CSMD1: variants seen among roughly 807,000 people sequenced by gnomAD.
CSMD1 encodes the protein CUB and Sushi multiple domains 1.
A neutral mutation model predicts 417.5 loss-of-function variants in CSMD1; 213 were observed. The ratio of observed to expected loss-of-function variants is 0.51; its 90% CI spans 0.46 to 0.57. The LOEUF is 0.57. Among genes scored for constraint, CSMD1 ranks in the 20% least tolerant of loss-of-function variants. CSMD1 has a pLI of 0.00. For synonymous variants in CSMD1, 2,862 were observed against 1,736.8 expected, an observed-to-expected ratio of 1.65 and a Z score of -16.11; for missense variants, 6,923 against 4,529.7, an observed-to-expected ratio of 1.53 and a Z score of -15.17.
At chr8:3,919,680 G>C (rs531602436) in intron 5 of CSMD1, among the ~76,000 whole-genome samples, 1 of 152,146 alleles carries the variant, frequency 6.6e-6, no homozygotes, top group East Asian at 1.9e-4. Flanking sequence ...AATGCCATTG[G>C]AATTTTGATA....
intron 5 of CSMD1, among the ~76,000 whole-genome samples, chr8:3,758,716 C>A (rs771035502): frequency 2.0e-5 from 3 of 152,176 alleles, no homozygotes; most frequent in Non-Finnish European, 4.4e-5. Flanking sequence ...CAGAATCATA[C>A]CTGCTACAGA....
intron 17 of CSMD1, among the ~76,000 whole-genome samples, chr8:3,393,973 G>C (rs1330483002): frequency 1.0e-5 from 1 of 97,684 alleles, no homozygotes; most frequent in Non-Finnish European, 2.0e-5. Flanking sequence ...ATGTACCCTA[G>C]AACTTAACGT....
At chr8:4,325,832 A>G (rs1323190543) in intron 3 of CSMD1, among the ~76,000 whole-genome samples, 8 of 152,162 alleles carry the variant, frequency 5.3e-5, no homozygotes, top group African/African-American at 1.9e-4. Flanking sequence ...ACTGTAGATT[A>G]ACAAAAGCTT....
chr8:4,767,242 G>A (rs1438474152), intron 1 of CSMD1, among the ~76,000 whole-genome samples: 4 of 152,202 alleles, frequency 2.6e-5, no homozygotes, highest in Non-Finnish European at 5.9e-5. Context: ...CCAAATGGAT[G>A]CAAGGTGAAA....
intron 49 of CSMD1, among the ~76,000 whole-genome samples, chr8:3,083,219 G>A (rs200863747): frequency 4.6e-5 from 7 of 151,926 alleles, no homozygotes; most frequent in Non-Finnish European, 8.8e-5. Flanking sequence ...TAAAAAGACA[G>A]AACATGTCTT....
rs919137046 is a variant in CSMD1 at position 4,388,305 on chromosome 8, C to T, written c.415+31648G>A. 2.4e-3 allele frequency among the ~76,000 whole-genome samples: 255 copies of T among 105,162 alleles called. 1 individual carries two copies. Among genetic ancestry groups the T allele is most frequent in the African/African-American group, 0.011 (238 of 20,920 alleles). 69.0% of individuals were successfully genotyped at this position (105,162 alleles called of 152,430 possible). A position where few individuals can be genotyped will look rare whatever the true frequency, so the allele number is the denominator to read the frequency against. ...ACAAGTGGATAAAGAAACTGTGATA[C>T]ACACACACACACACAGACACACACA... is the stretch of plus-strand genomic sequence containing the variant. On this transcript the variant is annotated intron_variant, in intron 3 of 69. Coordinates refer to ENST00000635120, the MANE Select transcript of CSMD1 (RefSeq NM_033225.6).
intron 2 of CSMD1, among the ~76,000 whole-genome samples, chr8:4,486,053 T>A (rs763293362): frequency 2.0e-5 from 3 of 150,766 alleles, no homozygotes; most frequent in Admixed American, 1.3e-4. Context: ...AAAGTAATAA[T>A]ATCTAAGTAT....
At chr8:4,022,825 G>T (rs974255345) in intron 4 of CSMD1, among the ~76,000 whole-genome samples, 1 of 152,052 alleles carries the variant, frequency 6.6e-6, no homozygotes, top group Admixed American at 6.5e-5. Context: ...CAATTCAGTG[G>T]TCTTCAGAAA....
chr8:3,594,044 G>C (rs888506222), intron 8 of CSMD1, among the ~76,000 whole-genome samples: 1 of 152,200 alleles, frequency 6.6e-6, no homozygotes, highest in Non-Finnish European at 1.5e-5. Flanking sequence ...TTCAAGAAAA[G>C]GAATGAGAGA....
At position 4,811,540 on chromosome 8, in the gene CSMD1, C is replaced by G. The variant is rs111596834; in HGVS notation, c.86-173982G>C. ...GCTGCCATAGAAACAAGAGGTATTT[C>G]CCAATATTGACATGGAAAAATAAAC... On this transcript the variant is annotated intron_variant, in intron 1 of 69. Transcript: ENST00000635120. Among the ~76,000 whole-genome samples, 609 of 152,070 alleles carry G rather than the reference C, an allele frequency of 4.0e-3. 10 individuals are homozygous for G. Among genetic ancestry groups the G allele is most frequent in the African/African-American group, 0.014 (567 of 41,474 alleles).
intron 10 of CSMD1, among the ~76,000 whole-genome samples, chr8:3,524,924 G>A (rs529382160): frequency 1.4e-4 from 21 of 152,020 alleles, no homozygotes; most frequent in African/African-American, 5.1e-4. Context: ...TTGGTATCAT[G>A]AAATGTAAAA....
At chr8:3,024,951 C>CCTAAAACTGTGTATTGTGTGGTGTTATT (rs1360110194) in intron 51 of CSMD1, among the ~76,000 whole-genome samples, 1 of 150,898 alleles carries the variant, frequency 6.6e-6, no homozygotes, top group South Asian at 2.1e-4. Flanking sequence ...ATACACGTGC[C>CCTAAAACTGTGTATTGTGTGGTGTTATT]CTAAAACTGT....
At chr8:4,823,794 G>C (rs1468579059) in intron 1 of CSMD1, among the ~76,000 whole-genome samples, 1 of 151,966 alleles carries the variant, frequency 6.6e-6, no homozygotes, top group African/African-American at 2.4e-5. Context: ...GTGTCTCATG[G>C]AGTGGTGAGT....
At chr8:3,005,076 T>C (rs1052056298) in intron 52 of CSMD1, among the ~76,000 whole-genome samples, 3 of 152,052 alleles carry the variant, frequency 2.0e-5, no homozygotes, top group African/African-American at 7.2e-5. Context: ...GAGGCAGAGG[T>C]TGCAGTGAGC....
chr8:3,202,934 A>C (rs1258170880), intron 31 of CSMD1, among the ~76,000 whole-genome samples: 1 of 152,146 alleles, frequency 6.6e-6, no homozygotes, highest in Non-Finnish European at 1.5e-5. Context: ...TTTTTTCAGG[A>C]ATTAGAGAGG....
chr8:3,423,456 C>G (rs1173820473), intron 12 of CSMD1, among the ~76,000 whole-genome samples: 5 of 152,184 alleles, frequency 3.3e-5, no homozygotes, highest in Non-Finnish European at 7.3e-5. Flanking sequence ...TGGTTTCTTT[C>G]ACTGAGTGTA....
In CSMD1 at chr8:3,299,995, C is replaced by T. The variant is rs556391525; in HGVS notation, c.3950+7700G>A. Among the ~76,000 whole-genome samples, 15 of 152,158 alleles carry T rather than the reference C, an allele frequency of 9.9e-5. No individual in the cohort carries two copies. The East Asian group carries it at 2.7e-3, about 27-fold the overall frequency. On this transcript the variant is annotated intron_variant, in intron 25 of 69. Coordinates refer to ENST00000635120, the MANE Select transcript of CSMD1 (RefSeq NM_033225.6). ...CTCTAGAAATTCATCATGAAAAGTG[C>T]CCTGGAGGTGACACACGGGGAGGAT...
At chr8:3,325,140 A>C (rs1164250698) in intron 23 of CSMD1, among the ~76,000 whole-genome samples, 1 of 152,188 alleles carries the variant, frequency 6.6e-6, no homozygotes, top group Non-Finnish European at 1.5e-5. Context: ...ACAAAAATCA[A>C]AATCAGCAAC....
intron 5 of CSMD1, among the ~76,000 whole-genome samples, chr8:3,835,103 C>T (rs1010967929): frequency 2.7e-5 from 4 of 148,742 alleles, no homozygotes; most frequent in African/African-American, 1.0e-4. Context: ...AATAGGAACA[C>T]TTTTACACTG....
Sources: allele counts gnomAD v4.1 joint callset (sites outside exome capture counted in the v4.1 genomes callset), GRCh38; gene constraint gnomAD v4.1.1; transcripts MANE v1.5; gene names NCBI Gene and HGNC (gene_info 2026-07-23, HGNC 2026-07-21).